ELP3: variants seen among roughly 807,000 people sequenced by gnomAD.
ELP3 encodes elongator complex protein 3.
A neutral mutation model predicts 74.9 loss-of-function variants in ELP3; 56 were observed. The observed-to-expected ratio is 0.75, with a 90% CI of 0.60 to 0.93. ELP3 has a LOEUF of 0.93. Ranked by LOEUF, ELP3 falls within the 40% of genes least tolerant of loss-of-function variation. The pLI is 0.00. For missense variants in ELP3, 573 were observed against 686.5 expected (o/e 0.83, Z 1.85); for synonymous variants, 222 against 239.8 (o/e 0.93, Z 0.68).
chr8:28,104,767 C>G (rs568165304), intron 3 of ELP3, among the ~76,000 whole-genome samples: 2 of 152,222 alleles, frequency 1.3e-5, no homozygotes, highest in Non-Finnish European at 2.9e-5. Flanking sequence ...TGATGTTCCT[C>G]ATTTTGATCA....
At chr8:28,149,678 C>T (rs1266268515) in intron 10 of ELP3, among the ~76,000 whole-genome samples, 2 of 152,068 alleles carry the variant, frequency 1.3e-5, no homozygotes, top group Admixed American at 6.5e-5. Context: ...TTTCAATTTC[C>T]ACTCTAATTC....
rs888282864 is a variant in ELP3, at chr8:28,110,455, C to T, written c.462+17C>T. 5 of 1,595,458 alleles carry T rather than the reference C, an allele frequency of 3.1e-6. No homozygotes were observed. The highest frequency in any genetic ancestry group is 4.3e-6 in the Non-Finnish European group (5 of 1,170,688). ...ATAGAACAGGTACATTTTTAAAAAA[C>T]ATGTTTCTTAAAAATTAGGTGTTTA... On this transcript the variant is annotated intron_variant, in intron 6 of 14. Transcript: ENST00000256398.
chr8:28,107,903 G>T lies in ELP3; in HGVS notation c.330-10G>T, dbSNP rs775660848. 1 of 1,612,998 alleles carries T rather than the reference G, an allele frequency of 6.2e-7. No homozygotes were observed. Among genetic ancestry groups the T allele is most frequent in the Admixed American group, 1.7e-5 (1 of 59,968 alleles). On this transcript the variant is annotated splice_polypyrimidine_tract_variant and intron_variant, in intron 4 of 14. Coordinates refer to ENST00000256398, the MANE Select transcript of ELP3 (RefSeq NM_018091.6). Reference sequence around the variant, plus strand: ...CATCTGACATTCTTGTTCTTTTGTTGTACTGGCAGATACTGCCCTGGTGGA... The same window carrying T: ...CATCTGACATTCTTGTTCTTTTGTTTTACTGGCAGATACTGCCCTGGTGGA...
chr8:28,111,969 T>C (rs1047847500), intron 6 of ELP3, among the ~76,000 whole-genome samples: 2 of 152,212 alleles, frequency 1.3e-5, no homozygotes, highest in Non-Finnish European at 2.9e-5. Flanking sequence ...AGTGTTGATA[T>C]ATATGTACAC....
In ELP3 at chr8:28,147,635, C is replaced by G. The variant is rs190560604; in HGVS notation, c.1101-8307C>G. ...TTTATATATATAAATATATGTCTCT[C>G]TCTGTGTGTGTATGTGTGTATGCAT... is the stretch of plus-strand genomic sequence containing the variant. On this transcript the variant is annotated intron_variant, in intron 10 of 14. Coordinates refer to ENST00000256398, the MANE Select transcript of ELP3 (RefSeq NM_018091.6). The surrounding 1 kb of genome is among the most constrained non-coding windows in gnomAD (Gnocchi z 4.5). Among the ~76,000 whole-genome samples, 356 of 152,248 alleles carry G rather than the reference C, an allele frequency of 2.3e-3. 2 individuals are homozygous for G. The highest frequency in any genetic ancestry group is 8.0e-3 in the African/African-American group (332 of 41,544).
intron 14 of ELP3, among the ~76,000 whole-genome samples, chr8:28,177,995 C>A (rs1260638252): frequency 6.6e-6 from 1 of 152,198 alleles, no homozygotes; most frequent in African/African-American, 2.4e-5. Flanking sequence ...GAATTGATTT[C>A]ATTCCCCATT....
intron 10 of ELP3, among the ~76,000 whole-genome samples, chr8:28,154,584 T>C (rs1813758288): frequency 6.6e-6 from 1 of 152,050 alleles, no homozygotes; most frequent in Non-Finnish European, 1.5e-5. Flanking sequence ...TATTTCAGGG[T>C]AAAAAAGGGC....
intron 10 of ELP3, among the ~76,000 whole-genome samples, chr8:28,150,053 T>G (rs1403953832): frequency 6.6e-6 from 1 of 152,224 alleles, no homozygotes; most frequent in Non-Finnish European, 1.5e-5. Flanking sequence ...ACTTCACAGG[T>G]AATGTGATAC....
Position 28,186,766 on chromosome 8 carries a change from A to T in ELP3, c.1568-2883A>T, listed in dbSNP as rs117877027. Among the ~76,000 whole-genome samples, 66 of 152,204 alleles carry T rather than the reference A, an allele frequency of 4.3e-4. No individual in the cohort carries two copies. In the East Asian group the frequency reaches 0.012, roughly 28 times the overall value. Reference sequence around the variant, plus strand: ...GTTCCTCTTCTTGTAAAACCACTAGAACTCATTATCCTGTTAGTCCATGAA... The same window carrying T: ...GTTCCTCTTCTTGTAAAACCACTAGTACTCATTATCCTGTTAGTCCATGAA... On this transcript the variant is annotated intron_variant, in intron 14 of 14. Transcript: ENST00000256398.
rs142534142 is a variant in ELP3 at position 28,155,921 on chromosome 8, A to T, written c.1101-21A>T. On this transcript the variant is annotated intron_variant, in intron 10 of 14. Coordinates refer to ENST00000256398, the MANE Select transcript of ELP3 (RefSeq NM_018091.6). ...AATGATTTCTATTTTGCAACAGCTT[A>T]TGTTTTTCTCCTGTGTACAGGGATA... 84 of 1,586,668 alleles carry T rather than the reference A, an allele frequency of 5.3e-5. 1 individual carries two copies. The East Asian group carries it at 9.2e-4, about 17-fold the overall frequency.
intron 5 of ELP3, among the ~76,000 whole-genome samples, chr8:28,108,855 GGTGA>G (rs1811803247): frequency 6.6e-6 from 1 of 152,192 alleles, no homozygotes; most frequent in Admixed American, 6.5e-5. Context: ...AATCAAGTAA[GGTGA>G]TGGCAGCTGA....
upstream of ELP3, among the ~76,000 whole-genome samples, chr8:28,091,052 G>A (rs1811038232): frequency 6.6e-6 from 1 of 151,838 alleles, no homozygotes; most frequent in African/African-American, 2.4e-5. Flanking sequence ...GACTACAGGG[G>A]CCCACCACCA....
At chr8:28,189,427 A>T (rs996824415) in intron 14 of ELP3, among the ~76,000 whole-genome samples, 3 of 152,232 alleles carry the variant, frequency 2.0e-5, no homozygotes, top group African/African-American at 7.2e-5. Flanking sequence ...AGCTTGAGTT[A>T]AAAATCAGGG....
intron 11 of ELP3, 42 bp downstream of exon 11, chr8:28,156,074 A>G (rs1408289012): frequency 6.5e-7 from 1 of 1,534,900 alleles, no homozygotes; most frequent in Non-Finnish European, 9.0e-7. Context: ...TGTTGAGAAA[A>G]AGAGAAATCT....
At chr8:28,136,031 G>C (rs1372952528) in intron 9 of ELP3, among the ~76,000 whole-genome samples, 1 of 149,036 alleles carries the variant, frequency 6.7e-6, no homozygotes, top group Non-Finnish European at 1.5e-5. Flanking sequence ...GCACGATCTT[G>C]GCTCACTGCA....
intron 9 of ELP3, among the ~76,000 whole-genome samples, chr8:28,135,960 CTTT>C (rs1174760093): frequency 2.8e-5 from 4 of 141,040 alleles, no homozygotes; most frequent in Non-Finnish European, 1.6e-5. Flanking sequence ...TTTCCTGTTC[CTTT>C]TTTTTTTTTT....
intron 4 of ELP3, among the ~76,000 whole-genome samples, chr8:28,107,066 T>C (rs1018986863): frequency 6.6e-6 from 1 of 152,056 alleles, no homozygotes; most frequent in East Asian, 1.9e-4. Flanking sequence ...TGGCCAGCAC[T>C]GTGAGACTCC....
intron 14 of ELP3, among the ~76,000 whole-genome samples, chr8:28,187,829 A>G (rs1253418796): frequency 6.6e-6 from 1 of 152,104 alleles, no homozygotes; most frequent in Non-Finnish European, 1.5e-5. Flanking sequence ...TTAGACATTC[A>G]GGTGGGTCAT....
chr8:28,114,198 C>T (rs979461062), intron 7 of ELP3, among the ~76,000 whole-genome samples: 2 of 150,574 alleles, frequency 1.3e-5, no homozygotes, highest in Non-Finnish European at 2.9e-5. Flanking sequence ...AGGCTGAGAC[C>T]GGAAGTACAA....
Sources: gnomAD v4.1 joint callset for allele counts (sites outside exome capture counted in the v4.1 genomes callset) on GRCh38, gnomAD v4.1.1 for gene constraint, Gnocchi (gnomAD v3.1) non-coding constraint, MANE v1.5 for transcripts, NCBI Gene and HGNC (gene_info 2026-07-23, HGNC 2026-07-21) for gene names.